The following HEATR5B variants were observed in gnomAD, a reference collection of about 807,000 sequenced individuals.
HEATR5B encodes the protein HEAT repeat-containing protein 5B.
A neutral mutation model predicts 224.1 loss-of-function variants in HEATR5B; 156 were observed. The ratio of observed to expected loss-of-function variants is 0.70; its 90% CI spans 0.61 to 0.80. The LOEUF (loss-of-function observed/expected upper bound fraction) is 0.80. HEATR5B is among the 30% of genes least tolerant of loss of function. HEATR5B has a pLI of 0.00. For synonymous variants in HEATR5B, 1,027 were observed against 893.0 expected, an observed-to-expected ratio of 1.15 and a Z score of -2.68; for missense variants, 2,323 against 2,535.5, an observed-to-expected ratio of 0.92 and a Z score of 1.80.
chr2:37,053,824 T>C (rs1259664722), intron 16 of HEATR5B, among the ~76,000 whole-genome samples: 2 of 151,998 alleles, frequency 1.3e-5, no homozygotes, highest in Non-Finnish European at 2.9e-5. Context: ...AGAGTTTCAA[T>C]TAACAAAATA....
chr2:37,064,948 A>G lies in HEATR5B; in HGVS notation c.1376T>C (p.Met459Thr). 1.2e-6 allele frequency: 2 copies of G among 1,614,122 alleles called. No homozygotes were observed. The highest frequency in any genetic ancestry group is 8.5e-7 in the Non-Finnish European group (1 of 1,179,964). Residue 459 changes from methionine (M) to threonine (T), a missense_variant, in exon 10 of 36, where the codon ATG becomes ACG. Transcript: ENST00000233099. The stretch of plus-strand genomic sequence containing the variant: ...CCATGCAGCAGCAAGTCGGGCAGCC[A>G]TGCTTGGATGAAGCAGCACTGAAGT... Reference protein sequence around the residue: ...IVTSVLLHPSMAARLAAAWCL... With the variant: ...IVTSVLLHPSTAARLAAAWCL...
intron 17 of HEATR5B, among the ~76,000 whole-genome samples, chr2:37,052,313 G>C (rs1222606769): frequency 1.3e-5 from 2 of 152,164 alleles, no homozygotes; most frequent in Admixed American, 1.3e-4. Flanking sequence ...GGCCCACCTT[G>C]GATGTCTGAA....
At chr2:37,053,633 C>T in intron 16 of HEATR5B, 26 bp from the exon 17 acceptor site, 1 of 1,413,878 alleles carries the variant, frequency 7.1e-7, no homozygotes. Flanking sequence ...AAAAAAATCA[C>T]ATTAGTGACA....
At chr2:37,042,953 C>A (rs1669967061) in intron 18 of HEATR5B, among the ~76,000 whole-genome samples, 2 of 150,438 alleles carry the variant, frequency 1.3e-5, no homozygotes, top group Non-Finnish European at 3.0e-5. Context: ...AAGCTGAAGA[C>A]CACACCCATC....
chr2:37,082,295 G>T (rs1672631768), intron 2 of HEATR5B, among the ~76,000 whole-genome samples: 1 of 151,918 alleles, frequency 6.6e-6, no homozygotes, highest in South Asian at 2.1e-4. Context: ...GGCCAGGCTA[G>T]TCTGGAACTC....
At chr2:37,010,012 A>C (rs1422110651) in intron 27 of HEATR5B, among the ~76,000 whole-genome samples, 1 of 152,162 alleles carries the variant, frequency 6.6e-6, no homozygotes, top group Non-Finnish European at 1.5e-5. Flanking sequence ...AGTCACATAC[A>C]TTACCTGTAT....
Position 37,053,591 on chromosome 2 carries a change from G to T in HEATR5B, c.2416C>A (p.His806Asn). ...GCTTGTTTAACACATTCAGCAAAGT[G>T]ATCCAACATTTGTAATCTATAACAA... ...SYKHRLQMLD[H>N]FAECVKQAKG... Residue 806 changes from histidine (H) to asparagine (N), a missense_variant, in exon 17 of 36, where the codon CAC (histidine) becomes AAC (asparagine). Physicochemically the swap from His to Asn is moderately conservative, Grantham distance 68. Coordinates refer to ENST00000233099, the MANE Select transcript of HEATR5B (RefSeq NM_019024.3). The T allele has an allele frequency of 6.2e-7, 1 of 1,600,314 alleles. No individual in the cohort carries two copies. The highest frequency in any genetic ancestry group is 8.5e-7 in the Non-Finnish European group (1 of 1,170,462).
chr2:37,003,830 C>A (rs992422570), intron 30 of HEATR5B, 144 bp from the exon 31 acceptor site: 2 of 494,306 alleles, frequency 4.0e-6, no homozygotes, highest in African/African-American at 4.0e-5. Flanking sequence ...CAAATAAGAA[C>A]ATTGTAAAAA....
chr2:37,020,974 A>T, intron 24 of HEATR5B, 138 bp from the exon 25 acceptor site: 1 of 575,250 alleles, frequency 1.7e-6, no homozygotes, highest in Non-Finnish European at 3.0e-6. Flanking sequence ...CAAAGATATT[A>T]TATTCTTTCA....
chr2:37,040,764 T>C (rs960742442), intron 19 of HEATR5B, among the ~76,000 whole-genome samples: 2 of 151,810 alleles, frequency 1.3e-5, no homozygotes, highest in Admixed American at 6.6e-5. Flanking sequence ...CACAAGAAGA[T>C]TCAGCCAATG....
In HEATR5B at chr2:37,056,548, A is replaced by T; in HGVS notation, c.2291T>A (p.Ile764Lys). The change falls in exon 16 of 36, where the codon ATA becomes AAA. Residue 764 changes from isoleucine to lysine, a missense_variant. Transcript: ENST00000233099. Reference protein sequence around the residue: ...EHDPSSIYLRIPAGEAVPGPL... With the variant: ...EHDPSSIYLRKPAGEAVPGPL... Reference sequence around the variant, plus strand: ...ACCAGGTACTGCTTCTCCAGCAGGTATGCGTAAATAAATAGAGGAAGGATC... The same window carrying T: ...ACCAGGTACTGCTTCTCCAGCAGGTTTGCGTAAATAAATAGAGGAAGGATC... 1 of 1,613,566 alleles carries T rather than the reference A, an allele frequency of 6.2e-7. No individual in the cohort carries two copies. The highest frequency in any genetic ancestry group is 8.5e-7 in the Non-Finnish European group (1 of 1,179,650).
At position 37,084,285 on chromosome 2, in the gene HEATR5B, G is replaced by T. The variant is rs555191483; in HGVS notation, c.-39C>A. 4.7e-4 allele frequency: 185 copies of T among 394,766 alleles called. 1 individual carries two copies. Among genetic ancestry groups the T allele is most frequent in the African/African-American group, 3.1e-3 (149 of 48,694 alleles). 24.5% of individuals were successfully genotyped at this position (394,766 alleles called of 1,614,324 possible). ...CGACCTCACCTCGTAGTCTGGAAGG[G>T]AAGATCAGCTGAGCTCCGGGGGTAG... On this transcript the variant is annotated 5_prime_UTR_variant, in exon 1 of 36. Coordinates refer to ENST00000233099, the MANE Select transcript of HEATR5B (RefSeq NM_019024.3).
At chr2:37,026,851 T>C (rs563159861) in intron 24 of HEATR5B, among the ~76,000 whole-genome samples, 22 of 152,300 alleles carry the variant, frequency 1.4e-4, no homozygotes, top group African/African-American at 5.1e-4. Context: ...CAGGCTGGAG[T>C]ACGGTGGCGT....
chr2:37,003,250 G>A (rs891500082), intron 31 of HEATR5B, among the ~76,000 whole-genome samples: 1 of 109,944 alleles, frequency 9.1e-6, no homozygotes, highest in African/African-American at 4.0e-5. Flanking sequence ...GAGTAAGACT[G>A]TCCCGCCCGC....
chr2:37,052,008 G>A (rs957601323), intron 17 of HEATR5B, among the ~76,000 whole-genome samples: 1 of 152,090 alleles, frequency 6.6e-6, no homozygotes. Context: ...CCAAAGTGCT[G>A]GGATTACAGG....
intron 18 of HEATR5B, among the ~76,000 whole-genome samples, chr2:37,048,439 G>A (rs1365709524): frequency 1.3e-5 from 2 of 151,674 alleles, no homozygotes; most frequent in African/African-American, 4.8e-5. Context: ...CCCACCTCAG[G>A]CTCCCAAAGT....
intron 18 of HEATR5B, among the ~76,000 whole-genome samples, chr2:37,048,964 T>A (rs1309756397): frequency 6.6e-6 from 1 of 152,254 alleles, no homozygotes; most frequent in Non-Finnish European, 1.5e-5. Context: ...TAATACTCTA[T>A]ATATATGATA....
chr2:37,002,934 C>T lies in HEATR5B; in HGVS notation c.5051-362G>A, dbSNP rs992767059. On this transcript the variant is annotated intron_variant, in intron 31 of 35. Transcript: ENST00000233099. ...AATGAAAATAAAATCAATTTCAAAT[C>T]TTCTAAATGTATGATTAATTCTTTT... is the stretch of plus-strand genomic sequence containing the variant. Among the ~76,000 whole-genome samples, 6 of 152,026 alleles carry T rather than the reference C, an allele frequency of 3.9e-5. No homozygotes were observed. The South Asian group carries it at 8.3e-4, about 21-fold the overall frequency.
rs1668360211 is a variant in HEATR5B at position 37,019,867 on chromosome 2, G to A, written c.4046C>T (p.Ala1349Val). Reference protein sequence around the residue: ...LEQYQANVGAALRPAFSQDTP... With the variant: ...LEQYQANVGAVLRPAFSQDTP... ...ATCTTGTGAAAAGGCTGGTCTTAGAGCAGCTCCCACCTAGAAAAATAAATA... is the reference window on the plus strand; with the variant it reads ...ATCTTGTGAAAAGGCTGGTCTTAGAACAGCTCCCACCTAGAAAAATAAATA... The change falls in exon 26 of 36, where the codon GCT becomes GTT. Residue 1349 changes from alanine (A) to valine (V), a missense_variant. Physicochemically the swap from Ala to Val is moderately conservative, Grantham distance 64. Transcript: ENST00000233099. 2 of 1,603,930 alleles carry A rather than the reference G, an allele frequency of 1.2e-6. No homozygotes were observed. Among genetic ancestry groups the A allele is most frequent in the South Asian group, 2.2e-5 (2 of 90,844 alleles).
Sources: allele counts gnomAD v4.1 joint callset (sites outside exome capture counted in the v4.1 genomes callset), GRCh38; gene constraint gnomAD v4.1.1; transcripts MANE v1.5; gene names NCBI Gene and HGNC (gene_info 2026-07-23, HGNC 2026-07-21).